Variants in DNAH11 observed in about 807,000 individuals in gnomAD.
DNAH11 encodes axonemal beta dynein heavy chain 11.
In DNAH11, 442 loss-of-function variants were observed where a neutral mutation model predicts 526.0. The ratio of observed to expected loss-of-function variants is 0.84; its 90% CI spans 0.78 to 0.91. DNAH11 has a LOEUF of 0.91. Among genes scored for constraint, DNAH11 ranks in the 40% least tolerant of loss-of-function variants. The pLI is 0.00. For synonymous variants in DNAH11, 2,461 were observed against 1,935.9 expected, an observed-to-expected ratio of 1.27 and a Z score of -7.12; for missense variants, 6,989 against 5,448.7, an observed-to-expected ratio of 1.28 and a Z score of -8.90.
At chr7:21,829,658 T>G (rs1790461205) in intron 65 of DNAH11, among the ~76,000 whole-genome samples, 1 of 152,236 alleles carries the variant, frequency 6.6e-6, no homozygotes, top group South Asian at 2.1e-4. Context: ...GTTTTTATAA[T>G]CAATACTGAT....
intron 29 of DNAH11, among the ~76,000 whole-genome samples, chr7:21,657,192 G>C (rs913432280): frequency 6.6e-6 from 1 of 151,998 alleles, no homozygotes; most frequent in African/African-American, 2.4e-5. Flanking sequence ...TTGTATTTCT[G>C]CCTCTTTTAA....
At chr7:21,568,212 T>A (rs1284881639) in intron 6 of DNAH11, among the ~76,000 whole-genome samples, 2 of 152,210 alleles carry the variant, frequency 1.3e-5, no homozygotes, top group Admixed American at 6.5e-5. Context: ...TGTTTTAGTT[T>A]ATAAGACCTC....
chr7:21,636,781 A>G (rs532531441), intron 26 of DNAH11, among the ~76,000 whole-genome samples: 1 of 152,296 alleles, frequency 6.6e-6, no homozygotes, highest in South Asian at 2.1e-4. Context: ...AGGTCGTGCA[A>G]AAACAAACAT....
chr7:21,855,084 T>G (rs1443041688), intron 68 of DNAH11, among the ~76,000 whole-genome samples: 1 of 143,574 alleles, frequency 7.0e-6, no homozygotes, highest in Non-Finnish European at 1.5e-5. Context: ...CACGCTGGAG[T>G]GCAGTGGCGC....
At chr7:21,662,576 T>C (rs1344530450) in intron 30 of DNAH11, among the ~76,000 whole-genome samples, 1 of 152,158 alleles carries the variant, frequency 6.6e-6, no homozygotes, top group Non-Finnish European at 1.5e-5. Flanking sequence ...AATCAGGGTA[T>C]TTAACATTTG....
intron 8 of DNAH11, among the ~76,000 whole-genome samples, chr7:21,572,572 G>A (rs978261956): frequency 1.2e-4 from 19 of 152,180 alleles, no homozygotes; most frequent in African/African-American, 4.3e-4. Context: ...CTTCATTTTA[G>A]TAGTTTGCCA....
In DNAH11 at chr7:21,807,922, C is replaced by A. The variant is rs1181633394; in HGVS notation, c.10205C>A (p.Ala3402Asp). The A allele has an allele frequency of 6.2e-7, 1 of 1,608,312 alleles. No homozygotes were observed. The highest frequency in any genetic ancestry group is 1.1e-5 in the South Asian group (1 of 90,508). ...RWGQSIKSFE[A>D]QEKTLCGDVL... is the part of the protein sequence containing the mutation. Reference sequence around the variant, plus strand: ...GGTCAATCCATTAAGTCCTTTGAAGCTCAAGAGAAGACACTCTGTGGAGAT... The same window carrying A: ...GGTCAATCCATTAAGTCCTTTGAAGATCAAGAGAAGACACTCTGTGGAGAT... Residue 3402 changes from alanine (A) to aspartate (D), a missense_variant, in exon 63 of 82, where the codon GCT becomes GAT. Physicochemically the swap from Ala to Asp is moderately radical, Grantham distance 126. Transcript: ENST00000409508.
intron 20 of DNAH11, among the ~76,000 whole-genome samples, chr7:21,614,087 A>G (rs1209202950): frequency 3.9e-5 from 6 of 152,112 alleles, no homozygotes; most frequent in Non-Finnish European, 8.8e-5. Flanking sequence ...TCGCAATTCC[A>G]AAGCATCATG....
At chr7:21,703,607 A>G (rs1784146006) in intron 37 of DNAH11, 1 of 152,160 alleles carries the variant, frequency 6.6e-6, no homozygotes, top group African/African-American at 2.4e-5. Flanking sequence ...TGAGAACAGC[A>G]AGGAGGAAAT....
chr7:21,582,953 A>G lies in DNAH11; in HGVS notation c.1710+932A>G, dbSNP rs751260937. 1.2e-4 allele frequency among the ~76,000 whole-genome samples: 18 copies of G among 152,308 alleles called. 1 individual carries two copies. The South Asian group carries it at 1.9e-3, about 16-fold the overall frequency. On this transcript the variant is annotated intron_variant, in intron 9 of 81. Coordinates refer to ENST00000409508, the MANE Select transcript of DNAH11 (RefSeq NM_001277115.2). ...TGGCCCCAGTCAAGCATTTTAACAT[A>G]AAGAATTCACGAGGATCTGGATAGG...
At chr7:21,661,849 C>T (rs572023248) in intron 30 of DNAH11, among the ~76,000 whole-genome samples, 29 of 151,880 alleles carry the variant, frequency 1.9e-4, no homozygotes, top group East Asian at 9.7e-4. Flanking sequence ...GATGGAGTTT[C>T]GCTCCTGTCA....
chr7:21,659,690 C>A (rs1782162669), intron 30 of DNAH11, among the ~76,000 whole-genome samples: 1 of 152,028 alleles, frequency 6.6e-6, no homozygotes, highest in Admixed American at 6.6e-5. Context: ...AAGTGGCTTT[C>A]CCAATGTTGC....
Position 21,606,517 on chromosome 7 carries a change from T to A in DNAH11, c.3740T>A (p.Ile1247Lys), listed in dbSNP as rs375665693. The change falls in exon 19 of 82, where the codon ATA (isoleucine) becomes AAA (lysine). Residue 1247 changes from isoleucine (I) to lysine (K), a missense_variant. By Grantham distance (102) the Ile-to-Lys change is moderately radical. Coordinates refer to ENST00000409508, the MANE Select transcript of DNAH11 (RefSeq NM_001277115.2). ...SPLHNAEVTL[I>K]RKKCILFDAK... ...CTCCATAATGCGGAAGTCACTCTTATAAGGAAAAAATGTATTTTGTTTGAC... is the reference window on the plus strand; with the variant it reads ...CTCCATAATGCGGAAGTCACTCTTAAAAGGAAAAAATGTATTTTGTTTGAC... 9.3e-6 allele frequency: 15 copies of A among 1,609,958 alleles called. No homozygotes were observed. Among genetic ancestry groups the A allele is most frequent in the South Asian group, 6.7e-5 (6 of 89,438 alleles).
intron 34 of DNAH11, among the ~76,000 whole-genome samples, chr7:21,688,611 C>A (rs1490743298): frequency 6.6e-6 from 1 of 152,234 alleles, no homozygotes; most frequent in Non-Finnish European, 1.5e-5. Context: ...GTCTCCCAGG[C>A]TTCTCATATT....
rs536478790 is a variant in DNAH11, at chr7:21,641,290, C to T, written c.4944+2225C>T. On this transcript the variant is annotated intron_variant, in intron 28 of 81. Coordinates refer to ENST00000409508, the MANE Select transcript of DNAH11 (RefSeq NM_001277115.2). ...AGTCTTCTACCTTACCCAAAAAAGG[C>T]GGGGGAGATGCCATGGCCTCCCCGT... 3.0e-3 allele frequency among the ~76,000 whole-genome samples: 461 copies of T among 152,244 alleles called. 9 individuals are homozygous for T. The highest frequency in any genetic ancestry group is 0.029 in the South Asian group (138 of 4,816).
intron 8 of DNAH11, among the ~76,000 whole-genome samples, chr7:21,573,591 T>A (rs1440665353): frequency 6.6e-6 from 1 of 152,230 alleles, no homozygotes; most frequent in African/African-American, 2.4e-5. Flanking sequence ...GCTGTTCATT[T>A]TGGTGCTTTT....
At position 21,797,271 on chromosome 7, in the gene DNAH11, G is replaced by A. The variant is rs140790914; in HGVS notation, c.10027-3866G>A. Among the ~76,000 whole-genome samples the A allele has an allele frequency of 1.3e-4, 20 of 151,686 alleles. No homozygotes were observed. The East Asian group carries it at 3.9e-3, about 29-fold the overall frequency. On this transcript the variant is annotated intron_variant, in intron 61 of 81. Transcript: ENST00000409508. ...TTTTGTTCTTATTGCCTAGGCTGGA[G>A]TGCAGTGGTGCGTTCTCAGCTCATT...
At chr7:21,663,563 A>G (rs1028441789) in intron 30 of DNAH11, among the ~76,000 whole-genome samples, 3 of 152,008 alleles carry the variant, frequency 2.0e-5, no homozygotes, top group African/African-American at 7.2e-5. Context: ...CATTTCCCTG[A>G]TGATTAGTGA....
chr7:21,810,488 C>T (rs1789467945), intron 63 of DNAH11, among the ~76,000 whole-genome samples: 1 of 152,138 alleles, frequency 6.6e-6, no homozygotes, highest in African/African-American at 2.4e-5. Flanking sequence ...TAGGAAAATG[C>T]AGTGCAAGCT....
Sources: allele counts gnomAD v4.1 joint callset (sites outside exome capture counted in the v4.1 genomes callset), GRCh38; gene constraint gnomAD v4.1.1; transcripts MANE v1.5; gene names NCBI Gene and HGNC (gene_info 2026-07-23, HGNC 2026-07-21).